The following TNKS variants were observed in gnomAD, a reference collection of about 807,000 sequenced individuals.
The protein encoded by TNKS is poly [ADP-ribose] polymerase tankyrase-1.
A neutral mutation model predicts 135.8 loss-of-function variants in TNKS; 72 were observed. The observed-to-expected ratio is 0.53, with a 90% confidence interval of 0.44 to 0.64. TNKS has a LOEUF of 0.64. Ranked by LOEUF, TNKS falls within the 30% of genes least tolerant of loss-of-function variation. The probability of loss-of-function intolerance (pLI) is 0.00; values close to 1 mark genes in which losing one functional copy is unlikely to be tolerated. For missense variants in TNKS, 1,769 were observed against 1,674.0 expected (o/e 1.06, Z -0.99); for synonymous variants, 849 against 649.3 (o/e 1.31, Z -4.68).
intron 11 of TNKS, 56 bp from the exon 12 acceptor site, chr8:9,720,318 T>C: frequency 1.4e-6 from 2 of 1,456,284 alleles, no homozygotes; most frequent in East Asian, 2.4e-5. Context: ...TTCTAAGGTA[T>C]AAAAGGAAAC....
chr8:9,567,638 C>G (rs35812948), intron 1 of TNKS, among the ~76,000 whole-genome samples: 20,094 of 152,146 alleles, frequency 0.13, 1,518 homozygotes, highest in Admixed American at 0.23. Flanking sequence ...AGGATGGTCT[C>G]GTTCTCCTGA....
At chr8:9,572,483 C>G (rs957658703) in intron 1 of TNKS, among the ~76,000 whole-genome samples, 3 of 152,172 alleles carry the variant, frequency 2.0e-5, no homozygotes, top group Non-Finnish European at 4.4e-5. Context: ...TCTTCCCATC[C>G]TCTATCTCTC....
At chr8:9,749,826 C>T (rs933987856) in intron 18 of TNKS, among the ~76,000 whole-genome samples, 1 of 152,148 alleles carries the variant, frequency 6.6e-6, no homozygotes, top group Non-Finnish European at 1.5e-5. Flanking sequence ...CTTCTCTTTT[C>T]ATAAGAAATG....
At chr8:9,696,817 G>A (rs1356572905) in intron 5 of TNKS, among the ~76,000 whole-genome samples, 1 of 152,036 alleles carries the variant, frequency 6.6e-6, no homozygotes, top group Admixed American at 6.6e-5. Flanking sequence ...CAAACAAATG[G>A]AATAATATTC....
chr8:9,674,204 A>G (rs1802433938), intron 3 of TNKS, among the ~76,000 whole-genome samples: 1 of 152,234 alleles, frequency 6.6e-6, no homozygotes, highest in Non-Finnish European at 1.5e-5. Context: ...TTAAGAGTTG[A>G]AACTTTAGAA....
intron 5 of TNKS, among the ~76,000 whole-genome samples, chr8:9,703,137 G>T (rs1803893418): frequency 6.6e-6 from 1 of 152,162 alleles, no homozygotes; most frequent in African/African-American, 2.4e-5. Context: ...TGAAGCCTCG[G>T]ATAGTACCAA....
At chr8:9,612,000 T>C (rs1386471009) in intron 2 of TNKS, among the ~76,000 whole-genome samples, 1 of 152,202 alleles carries the variant, frequency 6.6e-6, no homozygotes, top group Non-Finnish European at 1.5e-5. Flanking sequence ...ATTTTTTGAA[T>C]ATTTTAGATC....
chr8:9,750,902 C>T (rs569512861), intron 18 of TNKS, among the ~76,000 whole-genome samples: 1 of 152,352 alleles, frequency 6.6e-6, no homozygotes, highest in African/African-American at 2.4e-5. Context: ...TCTCACCACT[C>T]AGTAGTCTAG....
intron 21 of TNKS, 84 bp from the exon 22 acceptor site, chr8:9,763,063 A>ATT (rs66959741): frequency 1.3e-3 from 482 of 362,688 alleles, no homozygotes; most frequent in African/African-American, 2.7e-3. Context: ...CTTATTATGA[A>ATT]TTTTTTTTTT....
chr8:9,606,915 C>T (rs965125761), intron 2 of TNKS, among the ~76,000 whole-genome samples: 1 of 151,922 alleles, frequency 6.6e-6, no homozygotes, highest in East Asian at 1.9e-4. Flanking sequence ...TGTGGAAAGC[C>T]CAAGGTGTTT....
intron 3 of TNKS, among the ~76,000 whole-genome samples, chr8:9,679,342 C>A (rs1179959910): frequency 6.6e-6 from 1 of 152,180 alleles, no homozygotes; most frequent in African/African-American, 2.4e-5. Context: ...GGAGCACCGC[C>A]TCCAAGAGGT....
intron 20 of TNKS, among the ~76,000 whole-genome samples, chr8:9,759,440 G>C (rs543000366): frequency 2.6e-5 from 4 of 152,238 alleles, no homozygotes; most frequent in Middle Eastern, 3.2e-3. Context: ...CACTTTCCAC[G>C]TTAGGTGTGA....
At chr8:9,609,147 T>A (rs907845833) in intron 2 of TNKS, among the ~76,000 whole-genome samples, 14 of 152,332 alleles carry the variant, frequency 9.2e-5, no homozygotes, top group African/African-American at 3.4e-4. Flanking sequence ...ATGGTTCTTT[T>A]TGTAATACAT....
Position 9,706,176 on chromosome 8 carries a change from T to C in TNKS, c.1203-11T>C. 1 of 1,559,240 alleles carries C rather than the reference T, an allele frequency of 6.4e-7. No individual in the cohort carries two copies. The highest frequency in any genetic ancestry group is 8.6e-7 in the Non-Finnish European group (1 of 1,159,228). On this transcript the variant is annotated splice_polypyrimidine_tract_variant and intron_variant, in intron 6 of 26. Transcript: ENST00000310430. ...AAATTTAAGTATTTTAATTTGCCTC[T>C]TTTCATTTAGTGGACTTGTGCCTCT... is the stretch of plus-strand genomic sequence containing the variant.
chr8:9,726,666 T>C lies in TNKS; in HGVS notation c.1947T>C (p.Asp649=). The change falls in exon 13 of 27, where the codon GAT becomes GAC. Residue 649 remains aspartate (D), a synonymous_variant. Transcript: ENST00000310430. ...LSESTPIRTS[D]VDYRLLEASK... ...AGAGTACACCTATACGTACTTCTGATGTTGATTATCGACTCTTAGAGGCAT... is the reference window on the plus strand; with the variant it reads ...AGAGTACACCTATACGTACTTCTGACGTTGATTATCGACTCTTAGAGGCAT... The C allele has an allele frequency of 6.2e-7, 1 of 1,613,574 alleles. No homozygotes were observed. Among genetic ancestry groups the C allele is most frequent in the East Asian group, 2.2e-5 (1 of 44,824 alleles).
At chr8:9,662,000 A>G (rs993039912) in intron 3 of TNKS, among the ~76,000 whole-genome samples, 19 of 152,270 alleles carry the variant, frequency 1.2e-4, no homozygotes, top group Admixed American at 1.0e-3. Context: ...GCTCATCATC[A>G]CTGGCCATCA....
At chr8:9,671,649 T>C (rs763279893) in intron 3 of TNKS, among the ~76,000 whole-genome samples, 1 of 152,216 alleles carries the variant, frequency 6.6e-6, no homozygotes, top group Non-Finnish European at 1.5e-5. Context: ...TTTGGTGTGA[T>C]AGAAATGTTT....
intron 2 of TNKS, among the ~76,000 whole-genome samples, chr8:9,583,102 GCT>G (rs1042456151): frequency 2.7e-5 from 4 of 149,648 alleles, no homozygotes; most frequent in Non-Finnish European, 4.4e-5. Flanking sequence ...GGGAGGCGGA[GCT>G]TGATGAGCTG....
chr8:9,583,922 T>C (rs560752450), intron 2 of TNKS, among the ~76,000 whole-genome samples: 124 of 151,538 alleles, frequency 8.2e-4, no homozygotes, highest in African/African-American at 2.8e-3. Context: ...CCCAGTACTT[T>C]GGGAGGCCGA....
Sources: gnomAD v4.1 joint callset for allele counts (sites outside exome capture counted in the v4.1 genomes callset) on GRCh38, gnomAD v4.1.1 for gene constraint, MANE v1.5 for transcripts, NCBI Gene and HGNC (gene_info 2026-07-23, HGNC 2026-07-21) for gene names.